RPH3A: variants seen among roughly 807,000 people sequenced by gnomAD.
RPH3A encodes the protein rabphilin 3A.
A neutral mutation model predicts 102.2 loss-of-function variants in RPH3A; 48 were observed. The observed-to-expected ratio is 0.47, with a 90% CI of 0.37 to 0.60. RPH3A has a LOEUF of 0.60. RPH3A is among the 20% of genes least tolerant of loss of function. RPH3A has a pLI of 0.00. For synonymous variants in RPH3A, 310 were observed against 324.3 expected, an observed-to-expected ratio of 0.96 and a Z score of 0.47; for missense variants, 781 against 910.1, an observed-to-expected ratio of 0.86 and a Z score of 1.83.
At chr12:112,702,732 A>T (rs1037972896) in intron 1 of RPH3A, among the ~76,000 whole-genome samples, 2 of 152,254 alleles carry the variant, frequency 1.3e-5, no homozygotes, top group African/African-American at 4.8e-5. Context: ...GGAGCCCCCC[A>T]AAAATGTTCT....
At chr12:112,881,350 C>T (rs1018513589) in intron 14 of RPH3A, among the ~76,000 whole-genome samples, 1 of 152,182 alleles carries the variant, frequency 6.6e-6, no homozygotes, top group African/African-American at 2.4e-5. Flanking sequence ...CCTCCTTCCC[C>T]CGACCTTGCC....
At chr12:112,890,789 C>T in intron 18 of RPH3A, 60 bp from the exon 19 acceptor site, 1 of 1,569,688 alleles carries the variant, frequency 6.4e-7, no homozygotes, top group South Asian at 1.2e-5. Context: ...TAATGCTCGC[C>T]ATTCACATTT....
At chr12:112,713,044 T>G (rs868557196) in intron 1 of RPH3A, among the ~76,000 whole-genome samples, 24 of 77,568 alleles carry the variant, frequency 3.1e-4, no homozygotes, top group African/African-American at 1.2e-3. Flanking sequence ...CTTCTTCTTC[T>G]TCTTCTCCTT....
chr12:112,687,658 A>C (rs968322824), intron 1 of RPH3A, among the ~76,000 whole-genome samples: 1 of 152,214 alleles, frequency 6.6e-6, no homozygotes, highest in East Asian at 1.9e-4. Flanking sequence ...CTGATGACCC[A>C]TGTCCATTCC....
intron 2 of RPH3A, among the ~76,000 whole-genome samples, chr12:112,818,991 T>C (rs895385098): frequency 1.3e-5 from 2 of 152,002 alleles, no homozygotes; most frequent in Non-Finnish European, 2.9e-5. Flanking sequence ...AATTAACTCA[T>C]TGGTTCCTCT....
chr12:112,686,342 C>A (rs961360051), intron 1 of RPH3A, among the ~76,000 whole-genome samples: 4 of 152,132 alleles, frequency 2.6e-5, no homozygotes, highest in Admixed American at 6.5e-5. Flanking sequence ...TGAACCCATG[C>A]CCTTGCAATG....
chr12:112,774,400 G>T (rs1398324017), intron 1 of RPH3A, among the ~76,000 whole-genome samples: 1 of 152,202 alleles, frequency 6.6e-6, no homozygotes, highest in African/African-American at 2.4e-5. Context: ...ACCTTATCCA[G>T]CTGCCAGTGT....
rs1315800465 is a variant in RPH3A at position 112,864,000 on chromosome 12, C to G, written c.231-1414C>G. 2.0e-5 allele frequency among the ~76,000 whole-genome samples: 3 copies of G among 152,210 alleles called. No individual in the cohort carries two copies. In the East Asian group the frequency reaches 5.8e-4, roughly 29 times the overall value. On this transcript the variant is annotated intron_variant, in intron 5 of 21. Coordinates refer to ENST00000389385, the MANE Select transcript of RPH3A (RefSeq NM_001143854.2). ...TGGCCCCGGGGAACTCATAGCCCAG[C>G]AACAAACCAGAGATTGTTTCACAAT...
At chr12:112,865,325 G>A (rs2042590809) in intron 5 of RPH3A, 89 bp from the exon 6 acceptor site, 1 of 1,461,192 alleles carries the variant, frequency 6.8e-7, no homozygotes. Context: ...ATGACTCAAA[G>A]AAGGTGAAGA....
intron 2 of RPH3A, among the ~76,000 whole-genome samples, chr12:112,817,473 C>A (rs1326753183): frequency 7.0e-6 from 1 of 142,748 alleles, no homozygotes; most frequent in Non-Finnish European, 1.5e-5. Flanking sequence ...CCAGGCAGAA[C>A]CAATCCCACA....
intron 1 of RPH3A, among the ~76,000 whole-genome samples, chr12:112,646,942 G>A (rs1356177516): frequency 1.3e-5 from 2 of 152,096 alleles, no homozygotes; most frequent in African/African-American, 4.8e-5. Context: ...AACACTGGAG[G>A]GTATGCATCC....
chr12:112,599,428 C>A (rs2039541036), intron 1 of RPH3A, among the ~76,000 whole-genome samples: 1 of 152,192 alleles, frequency 6.6e-6, no homozygotes, highest in African/African-American at 2.4e-5. Context: ...ACCCCCAGTT[C>A]TCTCTATATT....
chr12:112,580,474 G>T (rs2039391470), intron 1 of RPH3A, among the ~76,000 whole-genome samples: 1 of 143,412 alleles, frequency 7.0e-6, no homozygotes, highest in Non-Finnish European at 1.5e-5. Flanking sequence ...CGCGATCTCG[G>T]CTCACTGCAA....
At chr12:112,778,175 G>C (rs1427885454) in intron 1 of RPH3A, among the ~76,000 whole-genome samples, 4 of 152,192 alleles carry the variant, frequency 2.6e-5, no homozygotes, top group African/African-American at 4.8e-5. Context: ...TCAAAAAACA[G>C]ATTTTAGTTT....
intron 5 of RPH3A, among the ~76,000 whole-genome samples, chr12:112,862,994 A>C (rs2042547601): frequency 6.6e-6 from 1 of 152,120 alleles, no homozygotes. Flanking sequence ...GTCCAGCTCT[A>C]TCTGGGTTCA....
chr12:112,717,478 T>C (rs2040521724), intron 1 of RPH3A, among the ~76,000 whole-genome samples: 1 of 152,136 alleles, frequency 6.6e-6, no homozygotes, highest in Non-Finnish European at 1.5e-5. Context: ...TTCTGTGTTA[T>C]ATATAATATA....
chr12:112,881,856 G>A lies in RPH3A; in HGVS notation c.1326+10G>A, dbSNP rs1227412493. On this transcript the variant is annotated intron_variant, in intron 15 of 21. Transcript: ENST00000389385. ...GCCGGGAGCCAGCAAGGTACCATAT[G>A]GCCTGGGCTTCTCTGCAAACCGGGT... is the stretch of plus-strand genomic sequence containing the variant. 3 of 1,607,398 alleles carry A rather than the reference G, an allele frequency of 1.9e-6. No individual in the cohort carries two copies.
chr12:112,889,008 T>G (rs1279715953), intron 17 of RPH3A, among the ~76,000 whole-genome samples: 1 of 152,208 alleles, frequency 6.6e-6, no homozygotes, highest in Non-Finnish European at 1.5e-5. Context: ...CTGGGCAGCC[T>G]GCCTGCTCTC....
intron 1 of RPH3A, among the ~76,000 whole-genome samples, chr12:112,696,328 C>T (rs1293751502): frequency 6.6e-6 from 1 of 152,186 alleles, no homozygotes; most frequent in African/African-American, 2.4e-5. Flanking sequence ...ATAATGACTT[C>T]TTTTCCTTTG....
Sources: allele counts gnomAD v4.1 joint callset (sites outside exome capture counted in the v4.1 genomes callset), GRCh38; gene constraint gnomAD v4.1.1; transcripts MANE v1.5; gene names NCBI Gene and HGNC (gene_info 2026-07-23, HGNC 2026-07-21).